NUDC: variants seen among roughly 807,000 people sequenced by gnomAD.
The protein encoded by NUDC is nuclear migration protein nudC.
In NUDC, 14 loss-of-function variants were observed where a neutral mutation model predicts 45.0. The observed-to-expected ratio is 0.31, with a 90% confidence interval of 0.21 to 0.49. The LOEUF is 0.49. Ranked by LOEUF, NUDC falls within the 20% of genes least tolerant of loss-of-function variation. The pLI, the probability that NUDC is intolerant of heterozygous loss-of-function variation, is 0.99. For synonymous variants in NUDC, 153 were observed against 156.7 expected (o/e 0.98, Z 0.17); for missense variants, 323 against 426.2 (o/e 0.76, Z 2.13).
At chr1:26,907,823 A>G (rs1292707525) in intron 2 of NUDC, among the ~76,000 whole-genome samples, 2 of 152,182 alleles carry the variant, frequency 1.3e-5, no homozygotes, top group Non-Finnish European at 2.9e-5. Flanking sequence ...GATCCTGGCC[A>G]TGACTCACTC....
At chr1:26,909,654 C>T (rs1570710505) in intron 2 of NUDC, among the ~76,000 whole-genome samples, 1 of 152,214 alleles carries the variant, frequency 6.6e-6, no homozygotes, top group South Asian at 2.1e-4. Flanking sequence ...CCCTAAATCC[C>T]TGAATCTTCT....
rs756089379 is a variant in NUDC at position 26,941,687 on chromosome 1, C to T, written c.363+27C>T. 2.4e-5 allele frequency: 39 copies of T among 1,612,862 alleles called. No homozygotes were observed. In the Admixed American group the frequency reaches 5.7e-4, roughly 23 times the overall value. On this transcript the variant is annotated intron_variant, in intron 3 of 8. Coordinates refer to ENST00000321265, the MANE Select transcript of NUDC (RefSeq NM_006600.4). ...TGAAGGGTGGGCTTCCCTTCTCCACCCCTCAGATCCCCCCTGGCACTGAGC... is the reference window on the plus strand; with the variant it reads ...TGAAGGGTGGGCTTCCCTTCTCCACTCCTCAGATCCCCCCTGGCACTGAGC...
intron 2 of NUDC, among the ~76,000 whole-genome samples, chr1:26,928,845 A>G (rs917476164): frequency 1.3e-5 from 2 of 152,232 alleles, no homozygotes; most frequent in Non-Finnish European, 2.9e-5. Flanking sequence ...TGCATCTGCT[A>G]TGGAAAACGT....
intron 3 of NUDC, among the ~76,000 whole-genome samples, chr1:26,912,875 T>C (rs910349808): frequency 6.6e-6 from 1 of 152,196 alleles, no homozygotes; most frequent in Admixed American, 6.5e-5. Flanking sequence ...CAAGGGCCAG[T>C]CTCTGGAGTG....
intron 2 of NUDC, among the ~76,000 whole-genome samples, chr1:26,925,441 G>A (rs1420122762): frequency 6.8e-6 from 1 of 147,676 alleles, no homozygotes; most frequent in Non-Finnish European, 1.5e-5. Context: ...TCTGGAGGCT[G>A]AGGCAGGAGA....
intron 2 of NUDC, among the ~76,000 whole-genome samples, chr1:26,938,597 T>C (rs1206749031): frequency 6.6e-6 from 1 of 152,064 alleles, no homozygotes; most frequent in Non-Finnish European, 1.5e-5. Flanking sequence ...TACTGTGGTG[T>C]GGCATGGGAC....
chr1:26,936,512 G>A (rs2082235572), intron 2 of NUDC, among the ~76,000 whole-genome samples: 1 of 151,272 alleles, frequency 6.6e-6, no homozygotes, highest in Non-Finnish European at 1.5e-5. Context: ...TTTTAGTAGA[G>A]GCAGGGTTTC....
upstream of NUDC, chr1:26,921,670 G>T: frequency 1.5e-6 from 1 of 665,304 alleles, no homozygotes; most frequent in South Asian, 1.8e-5. Context: ...GCCGCAAACC[G>T]GGAGGAAGGC....
intron 2 of NUDC, among the ~76,000 whole-genome samples, chr1:26,906,962 G>C (rs1043583136): frequency 2.6e-5 from 4 of 152,160 alleles, no homozygotes; most frequent in African/African-American, 9.7e-5. Flanking sequence ...GCCATACCCT[G>C]CCAGGAAGAG....
chr1:26,900,404 A>G (rs1237915215), intron 1 of NUDC: 1 of 1,612,282 alleles, frequency 6.2e-7, no homozygotes, highest in Non-Finnish European at 8.5e-7. Context: ...CTACCAGGTA[A>G]ACTGTCGCCT....
At chr1:26,915,058 C>CATACAT (rs758134417) in intron 3 of NUDC, among the ~76,000 whole-genome samples, 2 of 140,552 alleles carry the variant, frequency 1.4e-5, no homozygotes, top group African/African-American at 5.3e-5. Flanking sequence ...TACATACATA[C>CATACAT]ATATATATAT....
intron 2 of NUDC, among the ~76,000 whole-genome samples, chr1:26,941,085 C>CTTT (rs772114445): frequency 1.9e-4 from 17 of 91,366 alleles, no homozygotes; most frequent in South Asian, 7.7e-4. Flanking sequence ...CCATGCCCAG[C>CTTT]TTTTTTTTTT....
chr1:26,909,331 T>G (rs1346980381), intron 2 of NUDC, among the ~76,000 whole-genome samples: 1 of 152,154 alleles, frequency 6.6e-6, no homozygotes, highest in Non-Finnish European at 1.5e-5. Flanking sequence ...TTGCCCAGGC[T>G]GATCTTGAAC....
chr1:26,912,037 C>T (rs779408937), intron 3 of NUDC: 2 of 1,614,156 alleles, frequency 1.2e-6, no homozygotes, highest in Non-Finnish European at 1.7e-6. Context: ...CCCAGTGAGC[C>T]TCCTGCTGCA....
At chr1:26,939,761 G>T (rs891022733) in intron 2 of NUDC, among the ~76,000 whole-genome samples, 1 of 152,206 alleles carries the variant, frequency 6.6e-6, no homozygotes, top group Non-Finnish European at 1.5e-5. Flanking sequence ...CCATACCCCA[G>T]AATTTCTGAT....
chr1:26,918,649 G>T (rs533000772), upstream of NUDC, among the ~76,000 whole-genome samples: 8 of 147,118 alleles, frequency 5.4e-5, no homozygotes, highest in South Asian at 8.5e-4. Context: ...ATCTCGGCTC[G>T]CTACAACTTC....
At chr1:26,911,392 G>A (rs2082025283) in intron 3 of NUDC, 1 of 346,208 alleles carries the variant, frequency 2.9e-6, no homozygotes, top group Non-Finnish European at 5.7e-6. Flanking sequence ...GCAACCCTGT[G>A]GATTTTTTCC....
In NUDC at chr1:26,941,740, C is replaced by T; in HGVS notation, c.364-13C>T. ...TGGGGTCCTGTTGCCAACTGCTGTG[C>T]TCTTTGCCCCAGAAAAAGGATGCAG... On this transcript the variant is annotated splice_polypyrimidine_tract_variant and intron_variant, in intron 3 of 8. Coordinates refer to ENST00000321265, the MANE Select transcript of NUDC (RefSeq NM_006600.4). 2 of 1,614,170 alleles carry T rather than the reference C, an allele frequency of 1.2e-6. No individual in the cohort carries two copies. Among genetic ancestry groups the T allele is most frequent in the East Asian group, 4.5e-5 (2 of 44,886 alleles).
chr1:26,919,457 G>A (rs1443582203), upstream of NUDC, among the ~76,000 whole-genome samples: 2 of 152,138 alleles, frequency 1.3e-5, no homozygotes, highest in Non-Finnish European at 2.9e-5. Flanking sequence ...CTCCGCAGTC[G>A]GCCTGGATCT....
Sources: allele counts gnomAD v4.1 joint callset (sites outside exome capture counted in the v4.1 genomes callset), GRCh38; gene constraint gnomAD v4.1.1; transcripts MANE v1.5; gene names NCBI Gene and HGNC (gene_info 2026-07-23, HGNC 2026-07-21).